The following HDAC9 variants were observed in gnomAD, a reference collection of about 807,000 sequenced individuals.
HDAC9 encodes histone deacetylase 9, also known as MEF-2 interacting transcription repressor (MITR) protein.
In HDAC9, 41 loss-of-function variants were observed where a neutral mutation model predicts 139.4. The observed-to-expected ratio is 0.29, with a 90% confidence interval of 0.23 to 0.38. HDAC9 has a LOEUF of 0.38. Among genes scored for constraint, HDAC9 ranks in the 10% least tolerant of loss-of-function variants. The pLI is 1.00. For synonymous variants in HDAC9, 517 were observed against 476.2 expected (o/e 1.09, Z -1.12); for missense variants, 1,147 against 1,297.0 (o/e 0.88, Z 1.78).
At chr7:18,389,763 G>A (rs998598231) in intron 1 of HDAC9, among the ~76,000 whole-genome samples, 7 of 152,100 alleles carry the variant, frequency 4.6e-5, no homozygotes, top group Admixed American at 3.3e-4. Context: ...CCAAAATATG[G>A]AAAAGGAACT....
intron 2 of HDAC9, among the ~76,000 whole-genome samples, chr7:18,251,919 A>C (rs1382981562): frequency 1.3e-5 from 2 of 152,220 alleles, no homozygotes; most frequent in Non-Finnish European, 2.9e-5. Context: ...AATTAGATGC[A>C]CTGTATATAC....
At chr7:18,578,426 C>A (rs1335949862) in intron 2 of HDAC9, among the ~76,000 whole-genome samples, 2 of 152,294 alleles carry the variant, frequency 1.3e-5, no homozygotes, top group African/African-American at 4.8e-5. Flanking sequence ...TTGTGTCACT[C>A]TTCTCAGTAG....
intron 22 of HDAC9, among the ~76,000 whole-genome samples, chr7:18,879,493 C>G (rs1018341368): frequency 3.3e-5 from 5 of 151,894 alleles, no homozygotes; most frequent in Non-Finnish European, 5.9e-5. Flanking sequence ...AATAGAGAAC[C>G]CAGAAATAAG....
rs750426788 is a variant in HDAC9, at chr7:18,647,823, G to A, written c.1074G>A (p.Thr358=). Reference sequence around the variant, plus strand: ...TCAAAGAAAAGCAGAAGTGTGAGACGCAGACGCTTAGGCAAGGTGTTCCTC... The same window carrying A: ...TCAAAGAAAAGCAGAAGTGTGAGACACAGACGCTTAGGCAAGGTGTTCCTC... The part of the protein sequence containing the change: ...NSLKEKQKCE[T]QTLRQGVPLP... Residue 358 remains threonine (T), a synonymous_variant, in exon 10 of 26, where the codon ACG becomes ACA. Coordinates refer to ENST00000686413, the MANE Select transcript of HDAC9 (RefSeq NM_178425.4). The A allele has an allele frequency of 9.3e-6, 15 of 1,611,680 alleles. No homozygotes were observed. Among genetic ancestry groups the A allele is most frequent in the South Asian group, 6.6e-5 (6 of 90,734 alleles).
At chr7:18,491,602 C>T (rs1796373052), upstream of HDAC9, among the ~76,000 whole-genome samples, 1 of 151,982 alleles carries the variant, frequency 6.6e-6, no homozygotes, top group African/African-American at 2.4e-5. Flanking sequence ...CTTTCACAAG[C>T]GCAGATGTAC....
chr7:18,836,486 A>G (rs1796246705), intron 21 of HDAC9, among the ~76,000 whole-genome samples: 1 of 152,166 alleles, frequency 6.6e-6, no homozygotes, highest in Admixed American at 6.5e-5. Flanking sequence ...GGTAGGGTAA[A>G]TGACTTTTGT....
chr7:18,705,831 C>T (rs6946886), intron 12 of HDAC9, among the ~76,000 whole-genome samples: 16,999 of 134,432 alleles, frequency 0.13, 1,139 homozygotes, highest in East Asian at 0.21. Context: ...CCAGCCCAGG[C>T]GACAGAGAGA....
chr7:18,610,259 C>A (rs1836743262), intron 6 of HDAC9, among the ~76,000 whole-genome samples: 1 of 152,098 alleles, frequency 6.6e-6, no homozygotes, highest in Non-Finnish European at 1.5e-5. Flanking sequence ...TGGAGGGGGT[C>A]ATTTAAATGA....
At chr7:18,430,206 G>A (rs1162995113) in intron 1 of HDAC9, among the ~76,000 whole-genome samples, 1 of 152,002 alleles carries the variant, frequency 6.6e-6, no homozygotes, top group Non-Finnish European at 1.5e-5. Context: ...TTCAAACTGT[G>A]GACCACAACC....
rs770993378 is a variant in HDAC9 at position 18,591,512 on chromosome 7, T to G, written c.416-4T>G. On this transcript the variant is annotated splice_region_variant and splice_polypyrimidine_tract_variant and intron_variant, in intron 4 of 25. Transcript: ENST00000686413. ...GTGTGTGTGTGTGTGTGTGTGTATT[T>G]CAGGGGCAGTGGCAAGTACAGAAGT... The G allele has an allele frequency of 2.5e-5, 39 of 1,564,720 alleles. No individual in the cohort carries two copies. The highest frequency in any genetic ancestry group is 1.7e-4 in the Middle Eastern group (1 of 6,014).
Position 18,732,700 on chromosome 7 carries a change from TGTATGTGTGCGTATGTGTAC to T in HDAC9, c.1909+4944_1909+4963del, listed in dbSNP as rs1562892168. Among the ~76,000 whole-genome samples, 563 of 131,518 alleles carry T rather than the reference TGTATGTGTGCGTATGTGTAC, an allele frequency of 4.3e-3. 87 individuals are homozygous for T. Among genetic ancestry groups the T allele is most frequent in the South Asian group, 7.5e-3 (32 of 4,252 alleles). 86.3% of individuals were successfully genotyped at this position (131,518 alleles called of 152,430 possible). Reference sequence around the variant, plus strand: ...GTGCGTATGTGTACACACACACACGTGTATGTGTGCGTATGTGTACACACACACACGTGTATGTGTGCGTA... The same window carrying T: ...GTGCGTATGTGTACACACACACACGTACACACACACGTGTATGTGTGCGTA... On this transcript the variant is annotated intron_variant, in intron 13 of 25. Coordinates refer to ENST00000686413, the MANE Select transcript of HDAC9 (RefSeq NM_178425.4).
intron 2 of HDAC9, among the ~76,000 whole-genome samples, chr7:18,518,242 C>A (rs1803865281): frequency 6.6e-6 from 1 of 152,176 alleles, no homozygotes; most frequent in Non-Finnish European, 1.5e-5. Flanking sequence ...TATTTGGGAA[C>A]TTCTTCTATA....
At chr7:18,383,709 C>T (rs941509006) in intron 1 of HDAC9, among the ~76,000 whole-genome samples, 6 of 151,176 alleles carry the variant, frequency 4.0e-5, no homozygotes, top group Admixed American at 2.6e-4. Context: ...CTGATGACCC[C>T]GTCTCTACTA....
chr7:18,910,061 C>T (rs1802610972), intron 22 of HDAC9, among the ~76,000 whole-genome samples: 1 of 151,820 alleles, frequency 6.6e-6, no homozygotes, highest in Admixed American at 6.6e-5. Context: ...TTGAAGTCCC[C>T]AACTATTGTT....
At chr7:18,446,809 T>A (rs928278011) in intron 1 of HDAC9, among the ~76,000 whole-genome samples, 4 of 152,234 alleles carry the variant, frequency 2.6e-5, no homozygotes, top group African/African-American at 9.6e-5. Flanking sequence ...CCTTCTGTGT[T>A]AAAAGCTATA....
chr7:18,105,015 T>G (rs75714515), intron 1 of HDAC9, among the ~76,000 whole-genome samples: 2,325 of 151,874 alleles, frequency 0.015, 61 homozygotes, highest in African/African-American at 0.053. Flanking sequence ...ATATTACTTT[T>G]GGAATAGCCT....
intron 1 of HDAC9, among the ~76,000 whole-genome samples, chr7:18,300,520 TAAAA>T (rs540522943): frequency 6.9e-6 from 1 of 144,160 alleles, no homozygotes; most frequent in Admixed American, 7.0e-5. Context: ...TGCATATAAG[TAAAA>T]AAAAAAAGCA....
intron 2 of HDAC9, among the ~76,000 whole-genome samples, chr7:18,202,287 CA>C (rs1163725821): frequency 6.6e-6 from 1 of 152,060 alleles, no homozygotes; most frequent in Non-Finnish European, 1.5e-5. Flanking sequence ...GATATTTTTC[CA>C]ATGTTTATCT....
intron 1 of HDAC9, among the ~76,000 whole-genome samples, chr7:18,477,078 G>A (rs1795167093): frequency 6.6e-6 from 1 of 152,110 alleles, no homozygotes; most frequent in African/African-American, 2.4e-5. Context: ...GACTTTAGGT[G>A]GGCATTGACA....
Sources: gnomAD v4.1 joint callset for allele counts (sites outside exome capture counted in the v4.1 genomes callset) on GRCh38, gnomAD v4.1.1 for gene constraint, MANE v1.5 for transcripts, NCBI Gene and HGNC (gene_info 2026-07-23, HGNC 2026-07-21) for gene names.